Variants in ACTN2 observed in about 807,000 individuals in gnomAD.
The protein encoded by ACTN2 is actinin alpha 2, also known as alpha-actinin-2.
ACTN2 carries 39 observed loss-of-function variants against 113.8 expected under a neutral mutation model. The observed-to-expected ratio is 0.34, with a 90% CI of 0.27 to 0.45. ACTN2 has a LOEUF of 0.45. ACTN2 is among the 20% of genes least tolerant of loss of function. ACTN2 has a pLI of 1.00. For missense variants in ACTN2, 992 were observed against 1,177.9 expected (o/e 0.84, Z 2.31); for synonymous variants, 429 against 444.1 (o/e 0.97, Z 0.43).
chr1:236,694,515 G>T (rs777955624), intron 1 of ACTN2, among the ~76,000 whole-genome samples: 1 of 151,922 alleles, frequency 6.6e-6, no homozygotes, highest in Non-Finnish European at 1.5e-5. Context: ...GAGCCACCAC[G>T]CCTGGCCCGC....
intron 6 of ACTN2, among the ~76,000 whole-genome samples, chr1:236,728,175 G>T (rs1399274219): frequency 7.4e-6 from 1 of 134,724 alleles, no homozygotes; most frequent in Non-Finnish European, 1.5e-5. Flanking sequence ...ACAGAGTCTC[G>T]CTCTGTTGCC....
At chr1:236,726,277 G>A (rs1219921564) in intron 5 of ACTN2, among the ~76,000 whole-genome samples, 4 of 152,186 alleles carry the variant, frequency 2.6e-5, no homozygotes, top group Admixed American at 6.5e-5. Context: ...ACTGAGTTTG[G>A]GGGTGTAAGC....
intron 3 of ACTN2, 27 bp from the exon 4 acceptor site, chr1:236,720,078 A>G (rs1658338963): frequency 6.7e-7 from 1 of 1,482,836 alleles, no homozygotes; most frequent in Non-Finnish European, 9.4e-7. Flanking sequence ...TTATCTTTAC[A>G]TTAATTTGTT....
intron 5 of ACTN2, among the ~76,000 whole-genome samples, chr1:236,727,225 C>T (rs1297098666): frequency 6.6e-6 from 1 of 152,024 alleles, no homozygotes; most frequent in Non-Finnish European, 1.5e-5. Flanking sequence ...TATCTGGGAC[C>T]TAATGGAGGT....
In ACTN2 at chr1:236,762,897, T is replaced by C; in HGVS notation, c.*278T>C. 2.3e-6 allele frequency: 1 copy of C among 430,640 alleles called. No individual in the cohort carries two copies. The highest frequency in any genetic ancestry group is 5.0e-5 in the East Asian group (1 of 20,056). The allele number at this position is 430,640 out of a possible 1,614,324, so 26.7% of individuals were successfully genotyped here. ...ATTTCTTTGATTAAACAGAACAAAT[T>C]ACTTGAGTAATAGGAAATTAGGAGG... is the stretch of plus-strand genomic sequence containing the variant. On this transcript the variant is annotated 3_prime_UTR_variant, in exon 21 of 21. Coordinates refer to ENST00000366578, the MANE Select transcript of ACTN2 (RefSeq NM_001103.4).
rs1428829587 is a variant in ACTN2, at chr1:236,760,343, A to G, written c.2367+554A>G. Among the ~76,000 whole-genome samples the G allele has an allele frequency of 2.0e-5, 3 of 152,002 alleles. No individual in the cohort carries two copies. In the East Asian group the frequency reaches 5.8e-4, roughly 29 times the overall value. On this transcript the variant is annotated intron_variant, in intron 19 of 20. Coordinates refer to ENST00000366578, the MANE Select transcript of ACTN2 (RefSeq NM_001103.4). Reference sequence around the variant, plus strand: ...AGGAGATGAGAACATAGGCTTTTTGATTGTTTTAAACAGCTTTACTGAGAT... The same window carrying G: ...AGGAGATGAGAACATAGGCTTTTTGGTTGTTTTAAACAGCTTTACTGAGAT...
rs1064796605 is a variant in ACTN2 at position 236,762,473 on chromosome 1, G to C, written c.2539G>C (p.Ala847Pro). 1 of 1,613,994 alleles carries C rather than the reference G, an allele frequency of 6.2e-7. No homozygotes were observed. Among genetic ancestry groups the C allele is most frequent in the African/African-American group, 1.3e-5 (1 of 74,928 alleles). Residue 847 changes from alanine (A) to proline (P), a missense_variant, in exon 21 of 21, where the codon GCG (alanine) becomes CCG (proline). Physicochemically the swap from Ala to Pro is conservative, Grantham distance 27 (BLOSUM62 -1). Around this residue, in one of 3 missense-constraint regions of ACTN2, gnomAD observed 736 missense variants for 815.4 expected, o/e 0.90. Transcript: ENST00000366578. ...TATTTTTTCCCAGCCATACATCCTG[G>C]CGGAGGAGCTGCGTCGGGAGCTGCC... The part of the protein sequence containing the change: ...ILASDKPYIL[A>P]EELRRELPPD...
chr1:236,705,201 T>C (rs2102874567), intron 1 of ACTN2, among the ~76,000 whole-genome samples: 1 of 151,994 alleles, frequency 6.6e-6, no homozygotes, highest in South Asian at 2.1e-4. Context: ...TACCTGTGTG[T>C]GTATAAATAT....
intron 9 of ACTN2, among the ~76,000 whole-genome samples, chr1:236,738,007 T>C (rs1558240584): frequency 7.8e-6 from 1 of 128,958 alleles, no homozygotes; most frequent in Middle Eastern, 4.2e-3. Flanking sequence ...TTTTGCTTTG[T>C]TTTGTTTTGT....
intron 12 of ACTN2, among the ~76,000 whole-genome samples, chr1:236,745,844 T>G (rs1659216539): frequency 2.0e-5 from 3 of 152,214 alleles, no homozygotes; most frequent in South Asian, 4.1e-4. Context: ...TAATAAAAAT[T>G]TATTTCAATA....
At chr1:236,724,057 G>A (rs542964973) in intron 4 of ACTN2, among the ~76,000 whole-genome samples, 2 of 152,172 alleles carry the variant, frequency 1.3e-5, no homozygotes, top group African/African-American at 2.4e-5. Context: ...GGCTTAAACA[G>A]CCGACCTTTA....
At position 236,743,040 on chromosome 1, in the gene ACTN2, T is replaced by TA; in HGVS notation, c.1253dup (p.Tyr418Ter). 1.2e-6 allele frequency: 2 copies of TA among 1,614,118 alleles called. No individual in the cohort carries two copies. Among genetic ancestry groups the TA allele is most frequent in the Non-Finnish European group, 1.7e-6 (2 of 1,180,010 alleles). Reference sequence around the variant, plus strand: ...GGCCTCAACGCACGAGACTTGGGCTTATGGTAAGTAGACAGGAGTCAGATT... The same window carrying TA: ...GGCCTCAACGCACGAGACTTGGGCTTAATGGTAAGTAGACAGGAGTCAGATT... ...QKASTHETWA[Y>*]GKEQILLQKD... Residue 418 changes from tyrosine to a stop codon, truncating the protein, a stop_gained and frameshift_variant, in exon 11 of 21, where the codon TAT becomes TAAT. Transcript: ENST00000366578. LOFTEE classifies it high-confidence loss of function.
At chr1:236,688,584 A>G (rs1665957747) in intron 1 of ACTN2, among the ~76,000 whole-genome samples, 1 of 152,224 alleles carries the variant, frequency 6.6e-6, no homozygotes, top group Non-Finnish European at 1.5e-5. Context: ...TGATTATTTA[A>G]AAATAACATA....
intron 10 of ACTN2, among the ~76,000 whole-genome samples, chr1:236,742,551 A>G (rs1352387800): frequency 2.4e-4 from 37 of 152,156 alleles, no homozygotes; most frequent in Non-Finnish European, 2.9e-5. Context: ...AAAACAAAAC[A>G]ATAATCATAA....
Position 236,763,731 on chromosome 1 carries a change from CT to C in ACTN2, c.*1113del, listed in dbSNP as rs749806314. 1 of 152,174 alleles carries C rather than the reference CT, an allele frequency of 6.6e-6. No individual in the cohort carries two copies. The highest frequency in any genetic ancestry group is 2.4e-5 in the African/African-American group (1 of 41,428). 9.4% of individuals were successfully genotyped at this position (152,174 alleles called of 1,614,324 possible). ...GCTAGTGTGCGGTGTGTGTTCACCC[CT>C]GGGATTGGACAGTGTATCCTAACAA... On this transcript the variant is annotated 3_prime_UTR_variant, in exon 21 of 21. Coordinates refer to ENST00000366578, the MANE Select transcript of ACTN2 (RefSeq NM_001103.4).
chr1:236,727,122 C>T (rs2102905693), intron 5 of ACTN2, among the ~76,000 whole-genome samples: 1 of 152,238 alleles, frequency 6.6e-6, no homozygotes, highest in African/African-American at 2.4e-5. Flanking sequence ...CAGAAATAAA[C>T]ATCTGCCCTG....
At chr1:236,697,115 T>C (rs1405271562) in intron 1 of ACTN2, among the ~76,000 whole-genome samples, 2 of 152,108 alleles carry the variant, frequency 1.3e-5, no homozygotes. Flanking sequence ...AAGTTAAAAA[T>C]GTGGGATTTG....
At chr1:236,705,692 C>CT (rs1164574516) in intron 1 of ACTN2, among the ~76,000 whole-genome samples, 2 of 152,218 alleles carry the variant, frequency 1.3e-5, no homozygotes, top group Non-Finnish European at 2.9e-5. Context: ...ATAAAGTTGC[C>CT]TTATCAGGCA....
intron 14 of ACTN2, among the ~76,000 whole-genome samples, chr1:236,750,610 G>T (rs535872732): frequency 6.6e-6 from 1 of 152,304 alleles, no homozygotes; most frequent in African/African-American, 2.4e-5. Flanking sequence ...TTGTGGGGCT[G>T]CTCATGTTCA....
Sources: allele counts gnomAD v4.1 joint callset (sites outside exome capture counted in the v4.1 genomes callset), GRCh38; gene constraint gnomAD v4.1.1; regional missense constraint gnomAD v4.1.1; transcripts MANE v1.5; gene names NCBI Gene and HGNC (gene_info 2026-07-23, HGNC 2026-07-21).